The following SLC4A4 variants were observed in gnomAD, a reference collection of about 807,000 sequenced individuals.
SLC4A4 encodes the protein electrogenic sodium bicarbonate cotransporter 1.
Under a neutral mutation model 111.5 loss-of-function variants are expected in SLC4A4, and 27 were observed. The ratio of observed to expected loss-of-function variants is 0.24; its 90% CI spans 0.18 to 0.33. The LOEUF (loss-of-function observed/expected upper bound fraction) is 0.33, where lower values mean the gene tolerates loss of function less well. SLC4A4 is among the 10% of genes least tolerant of loss of function. The probability of loss-of-function intolerance (pLI) is 1.00; values close to 1 mark genes in which losing one functional copy is unlikely to be tolerated. For missense variants in SLC4A4, 909 were observed against 1,315.5 expected (o/e 0.69, Z 4.78); for synonymous variants, 443 against 463.4 (o/e 0.96, Z 0.57).
At chr4:71,418,952 G>GT (rs769306247) in intron 7 of SLC4A4, among the ~76,000 whole-genome samples, 1 of 152,134 alleles carries the variant, frequency 6.6e-6, no homozygotes, top group Non-Finnish European at 1.5e-5. Context: ...TTTGCTAGAG[G>GT]TCCACTCCAG....
rs1737678391 is a variant in SLC4A4, at chr4:71,568,297, T to C, written c.*546T>C. 6.0e-6 allele frequency: 1 copy of C among 166,776 alleles called. No homozygotes were observed. The highest frequency in any genetic ancestry group is 1.3e-5 in the Non-Finnish European group (1 of 78,292). 10.3% of individuals were successfully genotyped at this position (166,776 alleles called of 1,614,324 possible). A position where few individuals can be genotyped will look rare whatever the true frequency, so the allele number is the denominator to read the frequency against. On this transcript the variant is annotated 3_prime_UTR_variant, in exon 26 of 26. Transcript: ENST00000264485. Reference sequence around the variant, plus strand: ...TGCTTACTGGCTTGTCTTTGTCTGGTAGAACAAACCTTGACCTCCAGACAG... The same window carrying C: ...TGCTTACTGGCTTGTCTTTGTCTGGCAGAACAAACCTTGACCTCCAGACAG...
chr4:71,283,346 A>G (rs1418513878), intron 3 of SLC4A4, among the ~76,000 whole-genome samples: 1 of 152,182 alleles, frequency 6.6e-6, no homozygotes, highest in African/African-American at 2.4e-5. Context: ...AGTGTCTGCA[A>G]TAGCTGAGAT....
At chr4:71,121,252 C>T (rs374758106) in intron 2 of SLC4A4, among the ~76,000 whole-genome samples, 85 of 151,846 alleles carry the variant, frequency 5.6e-4, no homozygotes, top group Non-Finnish European at 8.4e-4. Flanking sequence ...CCATGCTGCC[C>T]GAGACTCCCC....
At chr4:71,102,571 C>T (rs904595573) in intron 2 of SLC4A4, among the ~76,000 whole-genome samples, 73 of 152,264 alleles carry the variant, frequency 4.8e-4, no homozygotes, top group Non-Finnish European at 7.6e-4. Flanking sequence ...CAGCTGATCT[C>T]TTGGCAGAAA....
At chr4:71,434,399 A>T (rs1247274672) in intron 7 of SLC4A4, 1 of 193,798 alleles carries the variant, frequency 5.2e-6, no homozygotes, top group Non-Finnish European at 1.1e-5. Flanking sequence ...GTAGCTTTAA[A>T]CAACTTTAAA....
intron 3 of SLC4A4, chr4:71,300,982 C>G: frequency 2.1e-6 from 1 of 486,286 alleles, no homozygotes; most frequent in Non-Finnish European, 4.2e-6. Context: ...AAGGGAGCAG[C>G]TTAGTGCCAG....
At chr4:71,142,690 T>C (rs567543636) in intron 2 of SLC4A4, among the ~76,000 whole-genome samples, 22 of 151,930 alleles carry the variant, frequency 1.4e-4, no homozygotes, top group African/African-American at 5.3e-4. Context: ...AGATGCTATC[T>C]AGCAGTTGAA....
chr4:71,433,672 T>C (rs13143358), intron 7 of SLC4A4, among the ~76,000 whole-genome samples: 29,955 of 151,910 alleles, frequency 0.2, 3,277 homozygotes, highest in South Asian at 0.42. Flanking sequence ...CTTTTGTTGC[T>C]ATTGCTTTTG....
chr4:71,388,145 T>G (rs1241785528), intron 6 of SLC4A4, among the ~76,000 whole-genome samples: 1 of 152,238 alleles, frequency 6.6e-6, no homozygotes, highest in Non-Finnish European at 1.5e-5. Flanking sequence ...AGTACTATTC[T>G]TTTCTCTTTC....
intron 1 of SLC4A4, among the ~76,000 whole-genome samples, chr4:71,220,921 C>T (rs1490254723): frequency 6.6e-6 from 1 of 152,112 alleles, no homozygotes; most frequent in Non-Finnish European, 1.5e-5. Context: ...TCTTTGTGTT[C>T]ATAAGTTCTT....
At chr4:71,082,311 T>C (rs969645983) in intron 1 of SLC4A4, among the ~76,000 whole-genome samples, 2 of 150,178 alleles carry the variant, frequency 1.3e-5, no homozygotes, top group Non-Finnish European at 3.0e-5. Context: ...AGTTCAAGTT[T>C]CAAACACGTT....
intron 12 of SLC4A4, among the ~76,000 whole-genome samples, chr4:71,456,896 A>T (rs1029737007): frequency 4.6e-5 from 7 of 152,172 alleles, no homozygotes; most frequent in Non-Finnish European, 7.4e-5. Flanking sequence ...GCCTGAAATA[A>T]TCTGCAGTTA....
chr4:71,153,188 C>T (rs545035188), intron 2 of SLC4A4, among the ~76,000 whole-genome samples: 2 of 151,860 alleles, frequency 1.3e-5, no homozygotes, highest in South Asian at 4.2e-4. Context: ...TGTTTGAGGG[C>T]AGGAAGCATC....
At chr4:71,147,080 GT>G (rs998698037) in intron 2 of SLC4A4, among the ~76,000 whole-genome samples, 2 of 151,908 alleles carry the variant, frequency 1.3e-5, no homozygotes, top group African/African-American at 4.8e-5. Flanking sequence ...AAAGGCAGGG[GT>G]TGCAATCCTA....
intron 3 of SLC4A4, among the ~76,000 whole-genome samples, chr4:71,317,830 G>A (rs1165993439): frequency 6.6e-6 from 1 of 152,022 alleles, no homozygotes; most frequent in Non-Finnish European, 1.5e-5. Context: ...GGTAATGTAT[G>A]CAATAACCTC....
chr4:71,361,211 T>C (rs756382382), intron 6 of SLC4A4, among the ~76,000 whole-genome samples: 10 of 152,214 alleles, frequency 6.6e-5, no homozygotes, highest in Non-Finnish European at 1.3e-4. Flanking sequence ...CACACGTTCA[T>C]GTATAAATAT....
At chr4:71,218,130 G>A (rs2602106) in intron 1 of SLC4A4, among the ~76,000 whole-genome samples, 151,333 of 152,380 alleles carry the variant, frequency 0.99, 75,154 homozygotes, top group Middle Eastern at 1. Context: ...ATCTCCAGAA[G>A]GGAGATGTCA....
At chr4:71,172,763 T>G (rs1199060465) in intron 2 of SLC4A4, among the ~76,000 whole-genome samples, 2 of 152,182 alleles carry the variant, frequency 1.3e-5, no homozygotes, top group Non-Finnish European at 2.9e-5. Context: ...GCTCAGTGCC[T>G]AGATATGAAA....
At chr4:71,106,096 T>C (rs1395845102) in intron 2 of SLC4A4, among the ~76,000 whole-genome samples, 5 of 148,402 alleles carry the variant, frequency 3.4e-5, no homozygotes, top group Non-Finnish European at 6.0e-5. Context: ...AACAACCCCA[T>C]CAAAAAGTGG....
Sources: gnomAD v4.1 joint callset for allele counts (sites outside exome capture counted in the v4.1 genomes callset) on GRCh38, gnomAD v4.1.1 for gene constraint, MANE v1.5 for transcripts, NCBI Gene and HGNC (gene_info 2026-07-23, HGNC 2026-07-21) for gene names.